The following SHOC2 variants were observed in gnomAD, a reference collection of about 807,000 sequenced individuals.
The protein encoded by SHOC2 is SHOC2 leucine rich repeat scaffold protein, also known as leucine-rich repeat protein SHOC-2.
Under a neutral mutation model 50.2 loss-of-function variants are expected in SHOC2, and 4 were observed. That is an observed-to-expected ratio of 0.08 (90% CI 0.04 to 0.18). The LOEUF is 0.18. Among genes scored for constraint, SHOC2 ranks in the 10% least tolerant of loss-of-function variants. SHOC2 has a pLI of 1.00. For missense variants in SHOC2, 388 were observed against 669.6 expected, an observed-to-expected ratio of 0.58 and a Z score of 4.64; for synonymous variants, 218 against 244.5, an observed-to-expected ratio of 0.89 and a Z score of 1.01.
Position 110,930,224 on chromosome 10 carries a change from T to G in SHOC2, c.-235+10567T>G, listed in dbSNP as rs192875443. Among the ~76,000 whole-genome samples the G allele has an allele frequency of 3.9e-3, 591 of 152,318 alleles. 5 individuals carry two copies. The highest frequency in any genetic ancestry group is 0.014 in the African/African-American group (573 of 41,574). ...TTTAAAGTCTCAGAAATGGACCATA[T>G]AAATGTAAGAAACGCCAGTTGTTTT... On this transcript the variant is annotated intron_variant, in intron 1 of 8. Coordinates refer to ENST00000369452, the MANE Select transcript of SHOC2 (RefSeq NM_007373.4).
intron 3 of SHOC2, among the ~76,000 whole-genome samples, chr10:110,988,404 C>T (rs927687184): frequency 6.6e-6 from 1 of 152,082 alleles, no homozygotes; most frequent in African/African-American, 2.4e-5. Flanking sequence ...CAGGTTATCA[C>T]TTTCTTCTTC....
At chr10:110,969,718 T>C (rs757270527) in intron 2 of SHOC2, among the ~76,000 whole-genome samples, 1 of 152,180 alleles carries the variant, frequency 6.6e-6, no homozygotes, top group Non-Finnish European at 1.5e-5. Context: ...TTACCTACAT[T>C]GTAGGTTCAA....
chr10:110,936,413 A>T (rs1026160737), intron 1 of SHOC2, among the ~76,000 whole-genome samples: 1 of 151,728 alleles, frequency 6.6e-6, no homozygotes, highest in Non-Finnish European at 1.5e-5. Flanking sequence ...TGCTTCACTG[A>T]TGTTTAAACA....
chr10:110,966,166 A>G (rs1847671396), intron 2 of SHOC2, among the ~76,000 whole-genome samples: 1 of 152,110 alleles, frequency 6.6e-6, no homozygotes, highest in Non-Finnish European at 1.5e-5. Context: ...AATTTTAGGT[A>G]TGACTTGTTA....
intron 3 of SHOC2, chr10:110,985,970 G>T: frequency 3.8e-6 from 2 of 528,336 alleles, no homozygotes; most frequent in South Asian, 2.2e-5. Flanking sequence ...GAGCCCAATG[G>T]GATTATAAAA....
intron 8 of SHOC2, among the ~76,000 whole-genome samples, chr10:111,010,489 A>G (rs1848546839): frequency 6.6e-6 from 1 of 152,114 alleles, no homozygotes; most frequent in Non-Finnish European, 1.5e-5. Flanking sequence ...CAATGAGAAC[A>G]CTTGGATACA....
intron 6 of SHOC2, among the ~76,000 whole-genome samples, chr10:111,007,991 C>T (rs1239800376): frequency 6.6e-6 from 1 of 151,414 alleles, no homozygotes; most frequent in African/African-American, 2.4e-5. Flanking sequence ...AAATAATTAT[C>T]GATTCTCAGA....
At chr10:110,977,463 T>C (rs1453966419) in intron 2 of SHOC2, among the ~76,000 whole-genome samples, 6 of 152,270 alleles carry the variant, frequency 3.9e-5, no homozygotes, top group Admixed American at 1.3e-4. Context: ...CAGGCTGGTC[T>C]CAAACTCCCA....
At chr10:110,981,562 A>G (rs1300982824) in intron 2 of SHOC2, among the ~76,000 whole-genome samples, 6 of 152,196 alleles carry the variant, frequency 3.9e-5, no homozygotes, top group Non-Finnish European at 8.8e-5. Flanking sequence ...TAGATTGGAA[A>G]CTGGAAGTCG....
chr10:110,939,985 A>G (rs979455601), intron 1 of SHOC2, among the ~76,000 whole-genome samples: 3 of 152,218 alleles, frequency 2.0e-5, no homozygotes, highest in African/African-American at 7.2e-5. Context: ...TCTTTTTAAC[A>G]TACTTTTCAG....
chr10:110,979,711 C>T (rs1179010042), intron 2 of SHOC2, among the ~76,000 whole-genome samples: 1 of 152,172 alleles, frequency 6.6e-6, no homozygotes, highest in Non-Finnish European at 1.5e-5. Flanking sequence ...ATCTTTTTCC[C>T]CCATAGTTAG....
chr10:111,003,907 CTTCTTTACCGCAGAGA>C (rs2134173080), intron 4 of SHOC2, among the ~76,000 whole-genome samples: 1 of 152,174 alleles, frequency 6.6e-6, no homozygotes, highest in Non-Finnish European at 1.5e-5. Flanking sequence ...AGAGCTTAAT[CTTCTTTACCGCAGAGA>C]TTCTTTGGTA....
intron 1 of SHOC2, among the ~76,000 whole-genome samples, chr10:110,924,074 A>G (rs756751709): frequency 6.6e-6 from 1 of 152,074 alleles, no homozygotes; most frequent in Non-Finnish European, 1.5e-5. Flanking sequence ...TGCTTTCAGT[A>G]CTTTCTCAGT....
chr10:110,969,451 C>G (rs1847736381), intron 2 of SHOC2, among the ~76,000 whole-genome samples: 1 of 152,130 alleles, frequency 6.6e-6, no homozygotes, highest in Non-Finnish European at 1.5e-5. Flanking sequence ...CAGGGGCCAC[C>G]AGATAGACAG....
intron 1 of SHOC2, among the ~76,000 whole-genome samples, chr10:110,935,355 C>G (rs1846986167): frequency 1.3e-5 from 2 of 152,170 alleles, no homozygotes. Context: ...TTTATATTAG[C>G]CCATTTGCTA....
chr10:110,922,905 C>T (rs1846682939), intron 1 of SHOC2, among the ~76,000 whole-genome samples: 1 of 152,066 alleles, frequency 6.6e-6, no homozygotes, highest in Non-Finnish European at 1.5e-5. Flanking sequence ...TAGAATTATA[C>T]ATTAAGTACT....
chr10:111,011,530 A>T, intron 8 of SHOC2, 80 bp from the exon 9 acceptor site: 1 of 914,270 alleles, frequency 1.1e-6, no homozygotes, highest in Non-Finnish European at 1.8e-6. Flanking sequence ...ATATGTAATG[A>T]CCAGAACAGC....
chr10:110,941,732 T>TA (rs1847149332), intron 1 of SHOC2, among the ~76,000 whole-genome samples: 1 of 152,330 alleles, frequency 6.6e-6, no homozygotes, highest in South Asian at 2.1e-4. Context: ...TTCATTCTCT[T>TA]AACAGGATCA....
chr10:110,921,261 C>G (rs1236776601), intron 1 of SHOC2, among the ~76,000 whole-genome samples: 1 of 152,156 alleles, frequency 6.6e-6, no homozygotes, highest in South Asian at 2.1e-4. Flanking sequence ...AATGACCATT[C>G]GCCACATATG....
Sources: allele counts gnomAD v4.1 joint callset (sites outside exome capture counted in the v4.1 genomes callset), GRCh38; gene constraint gnomAD v4.1.1; transcripts MANE v1.5; gene names NCBI Gene and HGNC (gene_info 2026-07-23, HGNC 2026-07-21).